Variants in ARL15 observed in about 807,000 individuals in gnomAD.
ARL15 encodes ADP-ribosylation factor-like protein 15.
Under a neutral mutation model 25.2 loss-of-function variants are expected in ARL15, and 19 were observed. The observed-to-expected ratio is 0.75, with a 90% CI of 0.53 to 1.10. The LOEUF is 1.10. Among genes scored for constraint, ARL15 ranks in the 50% least tolerant of loss-of-function variants. The probability of loss-of-function intolerance (pLI) is 0.00; values close to 1 mark genes in which losing one functional copy is unlikely to be tolerated. For synonymous variants in ARL15, 94 were observed against 86.8 expected, an observed-to-expected ratio of 1.08 and a Z score of -0.46; for missense variants, 220 against 246.0, an observed-to-expected ratio of 0.89 and a Z score of 0.71.
In ARL15 at chr5:54,308,718, CAG is replaced by C. The variant is rs910535682; in HGVS notation, c.48+1712_48+1713del. Among the ~76,000 whole-genome samples, 23 of 152,242 alleles carry C rather than the reference CAG, an allele frequency of 1.5e-4. No individual in the cohort carries two copies. The East Asian group carries it at 2.3e-3, about 15-fold the overall frequency. On this transcript the variant is annotated intron_variant, in intron 1 of 4. Coordinates refer to ENST00000504924, the MANE Select transcript of ARL15 (RefSeq NM_019087.3). ...CTAGAGGTTAGCCTGAGTAATTAAC[CAG>C]AGTTATCAATTTTGTTTTCACTAAG... is the stretch of plus-strand genomic sequence containing the variant.
chr5:54,132,086 A>T (rs1446634422), intron 3 of ARL15, among the ~76,000 whole-genome samples: 1 of 152,162 alleles, frequency 6.6e-6, no homozygotes, highest in South Asian at 2.1e-4. Context: ...ATGTTTTCAA[A>T]TACTTTGATA....
At chr5:53,915,980 C>T (rs1459114815) in intron 4 of ARL15, among the ~76,000 whole-genome samples, 1 of 152,162 alleles carries the variant, frequency 6.6e-6, no homozygotes, top group African/African-American at 2.4e-5. Context: ...GGTCATGGCT[C>T]ACTGCAGCCT....
chr5:53,935,182 C>T (rs896752819), intron 4 of ARL15, among the ~76,000 whole-genome samples: 1 of 152,042 alleles, frequency 6.6e-6, no homozygotes, highest in Non-Finnish European at 1.5e-5. Flanking sequence ...ATAATACAAG[C>T]CAATTGGGTG....
chr5:54,289,581 A>G (rs985252257), intron 1 of ARL15, among the ~76,000 whole-genome samples: 1 of 152,204 alleles, frequency 6.6e-6, no homozygotes, highest in African/African-American at 2.4e-5. Context: ...ATCCACAAAT[A>G]TTTATTGAGA....
intron 1 of ARL15, among the ~76,000 whole-genome samples, chr5:54,215,356 T>C (rs1037990317): frequency 1.3e-5 from 2 of 152,170 alleles, no homozygotes; most frequent in Non-Finnish European, 2.9e-5. Context: ...GCTAATTTGA[T>C]GGGTGGCTGT....
intron 1 of ARL15, among the ~76,000 whole-genome samples, chr5:54,268,155 C>G (rs958030895): frequency 1.3e-5 from 2 of 152,060 alleles, no homozygotes; most frequent in African/African-American, 4.8e-5. Flanking sequence ...TTCTCGGAGG[C>G]TTTGTTCGTT....
rs550574078 is a variant in ARL15 at position 54,143,425 on chromosome 5, T to C, written c.253+11155A>G. On this transcript the variant is annotated intron_variant, in intron 3 of 4. Coordinates refer to ENST00000504924, the MANE Select transcript of ARL15 (RefSeq NM_019087.3). ...AGTACTTTCTTTTTTATGGCCTTTTTTAAGGGTATCATTTCCTATATATAT... is the reference window on the plus strand; with the variant it reads ...AGTACTTTCTTTTTTATGGCCTTTTCTAAGGGTATCATTTCCTATATATAT... 7.5e-4 allele frequency among the ~76,000 whole-genome samples: 114 copies of C among 152,144 alleles called. 1 individual carries two copies. The highest frequency in any genetic ancestry group is 2.6e-3 in the African/African-American group (110 of 41,562).
At chr5:54,059,699 GTACAACC>G (rs1274969219) in intron 4 of ARL15, among the ~76,000 whole-genome samples, 1 of 152,180 alleles carries the variant, frequency 6.6e-6, no homozygotes, top group Non-Finnish European at 1.5e-5. Flanking sequence ...TGATAGTAAT[GTACAACC>G]TACTTTTGAG....
chr5:53,916,082 T>C (rs916960263), intron 4 of ARL15, among the ~76,000 whole-genome samples: 1 of 152,072 alleles, frequency 6.6e-6, no homozygotes, highest in South Asian at 2.1e-4. Flanking sequence ...TTTTAATTTA[T>C]TTTTATATTT....
chr5:53,959,471 T>G (rs1221453506), intron 4 of ARL15, among the ~76,000 whole-genome samples: 1 of 152,108 alleles, frequency 6.6e-6, no homozygotes, highest in African/African-American at 2.4e-5. Flanking sequence ...GATCAATATA[T>G]CTATATTAAG....
chr5:54,100,979 A>T (rs893411568), intron 4 of ARL15, among the ~76,000 whole-genome samples: 3 of 152,064 alleles, frequency 2.0e-5, no homozygotes, highest in Non-Finnish European at 1.5e-5. Context: ...TTGAAGATTT[A>T]AAAATTATGT....
intron 4 of ARL15, among the ~76,000 whole-genome samples, chr5:53,977,133 C>T (rs894476249): frequency 2.6e-5 from 4 of 151,946 alleles, no homozygotes; most frequent in Non-Finnish European, 4.4e-5. Context: ...CCGAGGCGGG[C>T]GGATCACAAG....
At chr5:54,106,681 GT>G (rs1300546562) in intron 4 of ARL15, among the ~76,000 whole-genome samples, 1 of 152,020 alleles carries the variant, frequency 6.6e-6, no homozygotes, top group Non-Finnish European at 1.5e-5. Flanking sequence ...TCAGAGAATG[GT>G]GTTTTTCCCT....
intron 1 of ARL15, among the ~76,000 whole-genome samples, chr5:54,200,945 G>T (rs929880993): frequency 6.6e-6 from 1 of 151,936 alleles, no homozygotes; most frequent in Non-Finnish European, 1.5e-5. Flanking sequence ...CAACTAATCG[G>T]ATTTACTTTC....
At chr5:54,106,423 A>G (rs1752591890) in intron 4 of ARL15, among the ~76,000 whole-genome samples, 1 of 152,202 alleles carries the variant, frequency 6.6e-6, no homozygotes, top group East Asian at 1.9e-4. Context: ...TCTTTCAAAC[A>G]AAATACAGTT....
intron 1 of ARL15, among the ~76,000 whole-genome samples, chr5:54,277,703 G>A (rs1409504341): frequency 6.6e-6 from 1 of 152,058 alleles, no homozygotes; most frequent in Non-Finnish European, 1.5e-5. Context: ...AGTGAGCCGA[G>A]ATCGTGCCAC....
intron 4 of ARL15, among the ~76,000 whole-genome samples, chr5:54,031,659 C>A (rs1227607536): frequency 6.6e-6 from 1 of 152,116 alleles, no homozygotes; most frequent in African/African-American, 2.4e-5. Flanking sequence ...CCCCATTCTA[C>A]CAAAAAACAA....
intron 3 of ARL15, among the ~76,000 whole-genome samples, chr5:54,143,560 A>G (rs1753827408): frequency 6.6e-6 from 1 of 152,034 alleles, no homozygotes; most frequent in South Asian, 2.1e-4. Context: ...TAATCTACTT[A>G]CATTTATTGT....
intron 4 of ARL15, among the ~76,000 whole-genome samples, chr5:54,084,089 G>T (rs1751882605): frequency 6.6e-6 from 1 of 152,166 alleles, no homozygotes; most frequent in Non-Finnish European, 1.5e-5. Flanking sequence ...GAGGAAACCA[G>T]GAAGTCTTCC....
Sources: gnomAD v4.1 joint callset for allele counts (sites outside exome capture counted in the v4.1 genomes callset) on GRCh38, gnomAD v4.1.1 for gene constraint, MANE v1.5 for transcripts, NCBI Gene and HGNC (gene_info 2026-07-23, HGNC 2026-07-21) for gene names.